Variants in ABCB5 observed in about 807,000 individuals in gnomAD.
ABCB5 encodes ATP binding cassette subfamily B member 5.
Under a neutral mutation model 144.2 loss-of-function variants are expected in ABCB5, and 155 were observed. The observed-to-expected ratio is 1.08, with a 90% CI of 0.94 to 1.23. ABCB5 has a LOEUF of 1.23. Among genes scored for constraint, ABCB5 ranks in the 50% most tolerant of loss-of-function variants. ABCB5 has a pLI of 0.00. For synonymous variants in ABCB5, 610 were observed against 528.6 expected (o/e 1.15, Z -2.11); for missense variants, 1,830 against 1,520.8 (o/e 1.20, Z -3.38).
At chr7:20,719,544 A>G (rs1781792992) in intron 20 of ABCB5, among the ~76,000 whole-genome samples, 1 of 152,184 alleles carries the variant, frequency 6.6e-6, no homozygotes, top group Non-Finnish European at 1.5e-5. Context: ...CAACACTACT[A>G]TGATAGAGTG....
intron 16 of ABCB5, among the ~76,000 whole-genome samples, chr7:20,693,206 A>T (rs968981620): frequency 3.9e-5 from 6 of 152,022 alleles, no homozygotes; most frequent in East Asian, 3.9e-4. Context: ...CTACAAAAAA[A>T]AATAATAATA....
chr7:20,667,023 G>A (rs1785221054), intron 14 of ABCB5: 1 of 620,632 alleles, frequency 1.6e-6, no homozygotes, highest in Non-Finnish European at 2.3e-6. Flanking sequence ...TAGGTCACAT[G>A]AATGATCTAG....
intron 14 of ABCB5, among the ~76,000 whole-genome samples, chr7:20,670,512 A>T (rs923366381): frequency 2.0e-5 from 3 of 152,358 alleles, no homozygotes; most frequent in Non-Finnish European, 2.9e-5. Context: ...CTTAAAAAAA[A>T]GACTCACATT....
intron 20 of ABCB5, among the ~76,000 whole-genome samples, chr7:20,721,914 T>G (rs1199951905): frequency 6.6e-6 from 1 of 152,206 alleles, no homozygotes; most frequent in Non-Finnish European, 1.5e-5. Flanking sequence ...CTAAAAGAAT[T>G]TATATGCATA....
chr7:20,752,210 G>A (rs1201999967), intron 26 of ABCB5, among the ~76,000 whole-genome samples: 4 of 152,034 alleles, frequency 2.6e-5, no homozygotes, highest in Admixed American at 2.0e-4. Flanking sequence ...CTTTCTCAAT[G>A]GAACTGATCC....
At chr7:20,710,930 T>C (rs1241816292) in intron 20 of ABCB5, among the ~76,000 whole-genome samples, 1 of 150,096 alleles carries the variant, frequency 6.7e-6, no homozygotes, top group Non-Finnish European at 1.5e-5. Context: ...AGGAAAGTGA[T>C]ATTGCTAAGT....
chr7:20,716,677 G>A (rs1002487016), intron 20 of ABCB5, among the ~76,000 whole-genome samples: 1 of 152,104 alleles, frequency 6.6e-6, no homozygotes, highest in Admixed American at 6.5e-5. Flanking sequence ...AGTAAGGAGA[G>A]GAATGGGCCT....
chr7:20,618,222 C>A (rs905231748), intron 1 of ABCB5, among the ~76,000 whole-genome samples: 2 of 152,158 alleles, frequency 1.3e-5, no homozygotes, highest in Non-Finnish European at 2.9e-5. Flanking sequence ...TCTCCTCCAC[C>A]CAGCAACTAC....
intron 14 of ABCB5, among the ~76,000 whole-genome samples, chr7:20,674,914 T>G (rs1354931687): frequency 6.6e-6 from 1 of 151,808 alleles, no homozygotes; most frequent in Non-Finnish European, 1.5e-5. Flanking sequence ...TGCAACAGTA[T>G]CAAAAGAATA....
In ABCB5 at chr7:20,648,090, C is replaced by A; in HGVS notation, c.1206+12C>A. ...GACCATCTATCAAGGTAGGTTAAAA[C>A]AAATTACGCAATTGTGCAGTTTTCT... On this transcript the variant is annotated intron_variant, in intron 11 of 27. Coordinates refer to ENST00000404938, the MANE Select transcript of ABCB5 (RefSeq NM_001163941.2). The A allele has an allele frequency of 6.8e-7, 1 of 1,464,824 alleles. No individual in the cohort carries two copies. The highest frequency in any genetic ancestry group is 2.3e-5 in the East Asian group (1 of 44,160). 90.7% of individuals were successfully genotyped at this position (1,464,824 alleles called of 1,614,324 possible). A position where few individuals can be genotyped will look rare whatever the true frequency, so the allele number is the denominator to read the frequency against.
intron 14 of ABCB5, among the ~76,000 whole-genome samples, chr7:20,668,985 GC>G (rs1385362466): frequency 1.4e-4 from 7 of 51,808 alleles, no homozygotes; most frequent in Non-Finnish European, 1.3e-4. Flanking sequence ...GGGGGGGTCA[GC>G]CCCCCGCCCG....
intron 23 of ABCB5, among the ~76,000 whole-genome samples, chr7:20,733,666 T>TCTCG (rs1176082591): frequency 1.3e-5 from 2 of 151,052 alleles, no homozygotes; most frequent in Non-Finnish European, 2.9e-5. Context: ...TAAGTTCGAG[T>TCTCG]CTCGCTCTGT....
chr7:20,753,581 A>G (rs933894631), intron 27 of ABCB5, 75 bp downstream of exon 27: 5 of 1,504,344 alleles, frequency 3.3e-6, no homozygotes, highest in Non-Finnish European at 4.5e-6. Context: ...AACCAAGGTA[A>G]GTTTGGAAAA....
chr7:20,665,707 G>A (rs1785154802), intron 14 of ABCB5, among the ~76,000 whole-genome samples: 1 of 148,138 alleles, frequency 6.8e-6, no homozygotes, highest in Non-Finnish European at 1.5e-5. Context: ...CATTTATCTG[G>A]ATGAGATAGA....
chr7:20,703,568 C>A (rs1190529863), intron 19 of ABCB5, among the ~76,000 whole-genome samples: 2 of 152,132 alleles, frequency 1.3e-5, no homozygotes, highest in Non-Finnish European at 2.9e-5. Flanking sequence ...CTTTGTTTTG[C>A]CTGTTACCTG....
chr7:20,702,991 T>G (rs1786687536), intron 19 of ABCB5, among the ~76,000 whole-genome samples: 1 of 152,118 alleles, frequency 6.6e-6, no homozygotes, highest in African/African-American at 2.4e-5. Context: ...AGTACACAAT[T>G]GCTGTCTTGC....
At chr7:20,676,882 T>C (rs1785631741) in intron 14 of ABCB5, among the ~76,000 whole-genome samples, 1 of 152,128 alleles carries the variant, frequency 6.6e-6, no homozygotes, top group African/African-American at 2.4e-5. Context: ...AGACAGAAAT[T>C]GGCAGAAACA....
chr7:20,694,024 A>T (rs1583430785), intron 16 of ABCB5, among the ~76,000 whole-genome samples: 1 of 142,802 alleles, frequency 7.0e-6, no homozygotes, highest in Middle Eastern at 3.6e-3. Flanking sequence ...TTTTTTCCCT[A>T]AAAAAAAAAA....
chr7:20,642,698 G>C (rs10216013), intron 5 of ABCB5, among the ~76,000 whole-genome samples: 23,858 of 152,006 alleles, frequency 0.16, 2,272 homozygotes, highest in Non-Finnish European at 0.22. Context: ...ATTGTTTTCA[G>C]CTTTTCTATA....
Sources: allele counts gnomAD v4.1 joint callset (sites outside exome capture counted in the v4.1 genomes callset), GRCh38; gene constraint gnomAD v4.1.1; transcripts MANE v1.5; gene names NCBI Gene and HGNC (gene_info 2026-07-23, HGNC 2026-07-21).